The following CPNE4 variants were observed in gnomAD, a reference collection of about 807,000 sequenced individuals.
The protein encoded by CPNE4 is copine 4.
In CPNE4, 25 loss-of-function variants were observed where a neutral mutation model predicts 67.9. That is an observed-to-expected ratio of 0.37 (90% CI 0.27 to 0.51). CPNE4 has a LOEUF of 0.51. Ranked by LOEUF, CPNE4 falls within the 20% of genes least tolerant of loss-of-function variation. CPNE4 has a pLI of 0.93. For missense variants in CPNE4, 464 were observed against 690.8 expected, an observed-to-expected ratio of 0.67 and a Z score of 3.68; for synonymous variants, 242 against 244.9, an observed-to-expected ratio of 0.99 and a Z score of 0.11.
chr3:131,845,370 G>C (rs2085956898), intron 2 of CPNE4, among the ~76,000 whole-genome samples: 1 of 152,140 alleles, frequency 6.6e-6, no homozygotes, highest in Non-Finnish European at 1.5e-5. Context: ...TTTTACCTGA[G>C]GTTACATCCA....
At chr3:131,897,432 G>A (rs576789168) in intron 2 of CPNE4, among the ~76,000 whole-genome samples, 2 of 152,232 alleles carry the variant, frequency 1.3e-5, no homozygotes, top group African/African-American at 4.8e-5. Flanking sequence ...ATTATTCTGA[G>A]AGGAAGACAG....
intron 2 of CPNE4, among the ~76,000 whole-genome samples, chr3:131,839,126 A>C (rs1461146079): frequency 1.3e-5 from 2 of 151,948 alleles, no homozygotes; most frequent in African/African-American, 4.8e-5. Context: ...CCTTTGTAAA[A>C]AAAAATCTGA....
intron 7 of CPNE4, among the ~76,000 whole-genome samples, chr3:131,599,009 C>T (rs532190285): frequency 6.6e-6 from 1 of 152,268 alleles, no homozygotes; most frequent in South Asian, 2.1e-4. Flanking sequence ...TCAGTCTAGA[C>T]CAGTCTTCTA....
chr3:131,730,357 T>C (rs772869200), intron 2 of CPNE4, among the ~76,000 whole-genome samples: 15 of 152,214 alleles, frequency 9.9e-5, no homozygotes, highest in Non-Finnish European at 1.6e-4. Context: ...TATATCATTC[T>C]AACTTTGCAA....
chr3:131,894,507 A>G (rs2088242869), intron 2 of CPNE4, among the ~76,000 whole-genome samples: 1 of 152,040 alleles, frequency 6.6e-6, no homozygotes, highest in Admixed American at 6.6e-5. Flanking sequence ...CAGAATATAT[A>G]AGGAACTTAA....
chr3:131,952,288 G>A (rs562713074), intron 1 of CPNE4, among the ~76,000 whole-genome samples: 64 of 150,646 alleles, frequency 4.2e-4, no homozygotes, highest in Admixed American at 2.5e-3. Flanking sequence ...GTCTCTGCCC[G>A]GCTGCCCCAT....
chr3:131,816,509 T>G, intron 2 of CPNE4, among the ~76,000 whole-genome samples: 1 of 152,212 alleles, frequency 6.6e-6, no homozygotes, highest in African/African-American at 2.4e-5. Flanking sequence ...TCTTCTCAGA[T>G]GAAAACTGCA....
intron 1 of CPNE4, among the ~76,000 whole-genome samples, chr3:131,921,709 A>G (rs2070743804): frequency 6.6e-6 from 1 of 152,192 alleles, no homozygotes; most frequent in African/African-American, 2.4e-5. Context: ...AGTGAGCAAC[A>G]ATGCAGATAT....
At chr3:131,634,773 G>A (rs1199956147) in intron 7 of CPNE4, among the ~76,000 whole-genome samples, 1 of 152,080 alleles carries the variant, frequency 6.6e-6, no homozygotes, top group African/African-American at 2.4e-5. Context: ...TTTTAGTTAT[G>A]TTTTAAAAGA....
At chr3:131,643,222 T>C (rs73001273) in intron 7 of CPNE4, among the ~76,000 whole-genome samples, 254 of 152,314 alleles carry the variant, frequency 1.7e-3, no homozygotes, top group African/African-American at 6.0e-3. Flanking sequence ...GCCCTTGCCA[T>C]AGAGATCTGT....
intron 1 of CPNE4, 93 bp from the exon 2 acceptor site, chr3:131,905,537 G>T: frequency 1.8e-6 from 2 of 1,134,006 alleles, no homozygotes; most frequent in Non-Finnish European, 2.5e-6. Flanking sequence ...TCAGAAAATT[G>T]TTTGACACAC....
intron 7 of CPNE4, among the ~76,000 whole-genome samples, chr3:131,663,899 T>C (rs1241377321): frequency 2.6e-5 from 4 of 152,162 alleles, no homozygotes; most frequent in Admixed American, 1.3e-4. Context: ...TTCTGCCATT[T>C]CCTTTACTGC....
At chr3:131,792,883 G>A (rs1325425328) in intron 2 of CPNE4, among the ~76,000 whole-genome samples, 1 of 120,918 alleles carries the variant, frequency 8.3e-6, no homozygotes, top group African/African-American at 3.0e-5. Context: ...TTACAGTGTA[G>A]GTATTTCCAG....
rs557686292 is a variant in CPNE4 at position 131,897,238 on chromosome 3, C to G, written c.180+8026G>C. Among the ~76,000 whole-genome samples, 7 of 152,174 alleles carry G rather than the reference C, an allele frequency of 4.6e-5. No homozygotes were observed. In the South Asian group the frequency reaches 1.5e-3, roughly 32 times the overall value. On this transcript the variant is annotated intron_variant, in intron 2 of 15. Transcript: ENST00000429747. ...TATTGGAGACACAAAGATCTGAGTTCAAATCCTAATCCCACTTCTCACTAG... is the reference window on the plus strand; with the variant it reads ...TATTGGAGACACAAAGATCTGAGTTGAAATCCTAATCCCACTTCTCACTAG...
intron 2 of CPNE4, among the ~76,000 whole-genome samples, chr3:131,796,608 C>G (rs1396794998): frequency 1.3e-5 from 2 of 152,210 alleles, no homozygotes; most frequent in African/African-American, 4.8e-5. Flanking sequence ...CATCTGCCCC[C>G]TCCTCCCCAG....
intron 2 of CPNE4, among the ~76,000 whole-genome samples, chr3:131,776,874 G>C (rs2083303288): frequency 3.9e-5 from 6 of 152,076 alleles, no homozygotes; most frequent in Admixed American, 3.9e-4. Flanking sequence ...AGGGAGACCT[G>C]GCAAACATTA....
intron 1 of CPNE4, among the ~76,000 whole-genome samples, chr3:131,968,612 C>G (rs2072421447): frequency 6.6e-6 from 1 of 152,222 alleles, no homozygotes; most frequent in African/African-American, 2.4e-5. Flanking sequence ...AAAAGCTCAT[C>G]ATCACTGGTC....
chr3:131,709,510 A>C (rs554521420), intron 3 of CPNE4, among the ~76,000 whole-genome samples: 2 of 152,342 alleles, frequency 1.3e-5, no homozygotes, highest in South Asian at 4.1e-4. Flanking sequence ...GTTTCTCAGC[A>C]ATCAGCCATT....
intron 1 of CPNE4, among the ~76,000 whole-genome samples, chr3:131,919,051 T>C (rs2070667006): frequency 6.6e-6 from 1 of 152,156 alleles, no homozygotes; most frequent in African/African-American, 2.4e-5. Flanking sequence ...GGTGCTGAGC[T>C]TGTGGTTAAG....
Sources: allele counts gnomAD v4.1 joint callset (sites outside exome capture counted in the v4.1 genomes callset), GRCh38; gene constraint gnomAD v4.1.1; transcripts MANE v1.5; gene names NCBI Gene and HGNC (gene_info 2026-07-23, HGNC 2026-07-21).